Variants in TMPRSS15 observed in about 807,000 individuals in gnomAD.
The protein encoded by TMPRSS15 is enteropeptidase.
A neutral mutation model predicts 125.3 loss-of-function variants in TMPRSS15; 128 were observed. That is an observed-to-expected ratio of 1.02 (90% CI 0.89 to 1.18). The LOEUF (loss-of-function observed/expected upper bound fraction) is 1.18, where lower values mean the gene tolerates loss of function less well. Ranked by LOEUF, TMPRSS15 falls within the 50% of genes most tolerant of loss-of-function variation. The pLI, the probability that TMPRSS15 is intolerant of heterozygous loss-of-function variation, is 0.00. For missense variants in TMPRSS15, 1,283 were observed against 1,212.7 expected (o/e 1.06, Z -0.86); for synonymous variants, 446 against 423.2 (o/e 1.05, Z -0.66).
In TMPRSS15 at chr21:18,297,841, AG is replaced by A. The variant is rs1333320881; in HGVS notation, c.2166-13del. 6.3e-7 allele frequency: 1 copy of A among 1,579,726 alleles called. No homozygotes were observed. On this transcript the variant is annotated splice_polypyrimidine_tract_variant and intron_variant, in intron 18 of 24. Coordinates refer to ENST00000284885, the MANE Select transcript of TMPRSS15 (RefSeq NM_002772.3). ...ATGAGTTTCCACTCCTAGAGAAAAA[AG>A]AAAAAAGCATACAGACAAAACAAAA...
intron 1 of TMPRSS15, among the ~76,000 whole-genome samples, chr21:18,429,461 C>G (rs1030507305): frequency 2.6e-5 from 4 of 152,076 alleles, no homozygotes; most frequent in African/African-American, 4.8e-5. Context: ...TCCCATAATT[C>G]CCATGTGCTG....
intron 14 of TMPRSS15, among the ~76,000 whole-genome samples, chr21:18,330,266 T>TA (rs1312575731): frequency 2.0e-5 from 3 of 152,178 alleles, no homozygotes; most frequent in African/African-American, 7.2e-5. Flanking sequence ...CAAATCACTA[T>TA]AGTTTCTCAT....
At chr21:18,361,220 A>G (rs1390171370) in intron 7 of TMPRSS15, among the ~76,000 whole-genome samples, 1 of 152,156 alleles carries the variant, frequency 6.6e-6, no homozygotes, top group Non-Finnish European at 1.5e-5. Flanking sequence ...ACCTCTATTT[A>G]CAACTCCACT....
chr21:18,467,220 G>C (rs1036034118), intron 1 of TMPRSS15, among the ~76,000 whole-genome samples: 1 of 151,962 alleles, frequency 6.6e-6, no homozygotes, highest in African/African-American at 2.4e-5. Context: ...AAGAACACTT[G>C]GACATGGAGG....
At chr21:18,436,098 AT>A (rs1195021084) in intron 1 of TMPRSS15, among the ~76,000 whole-genome samples, 1 of 149,986 alleles carries the variant, frequency 6.7e-6, no homozygotes, top group Non-Finnish European at 1.5e-5. Context: ...GGATTCATTA[AT>A]TTTTTGAAGG....
intron 1 of TMPRSS15, among the ~76,000 whole-genome samples, chr21:18,459,282 TTTTTC>T (rs1358172891): frequency 2.0e-5 from 3 of 151,746 alleles, no homozygotes; most frequent in Non-Finnish European, 4.4e-5. Flanking sequence ...TTTTTTTTTC[TTTTTC>T]TTTTGAGACA....
In TMPRSS15 at chr21:18,326,511, C is replaced by T; in HGVS notation, c.1842G>A (p.Val614=). 6.2e-7 allele frequency: 1 copy of T among 1,614,142 alleles called. No homozygotes were observed. The highest frequency in any genetic ancestry group is 8.5e-7 in the Non-Finnish European group (1 of 1,179,974). The part of the protein sequence containing the change: ...DVFSTTNRMT[V]LLITNDVLAR... Reference sequence around the variant, plus strand: ...CCAACACATCGTTAGTGATGAGAAGCACAGTCATTCTGTTGGTGGTAGAGA... The same window carrying T: ...CCAACACATCGTTAGTGATGAGAAGTACAGTCATTCTGTTGGTGGTAGAGA... Residue 614 remains valine (V), a synonymous_variant, in exon 16 of 25, where the codon GTG becomes GTA. Coordinates refer to ENST00000284885, the MANE Select transcript of TMPRSS15 (RefSeq NM_002772.3).
At chr21:18,336,325 T>C (rs2075392719) in intron 13 of TMPRSS15, among the ~76,000 whole-genome samples, 2 of 152,200 alleles carry the variant, frequency 1.3e-5, no homozygotes, top group Admixed American at 1.3e-4. Context: ...TAATACCTCC[T>C]ATTGATCGAT....
At chr21:18,419,283 T>C (rs1251385235) in intron 1 of TMPRSS15, among the ~76,000 whole-genome samples, 2 of 143,574 alleles carry the variant, frequency 1.4e-5, no homozygotes, top group Admixed American at 7.6e-5. Context: ...TGGAGTGCAG[T>C]GGTGCTATCT....
At chr21:18,472,578 C>T (rs1371016169) in intron 1 of TMPRSS15, among the ~76,000 whole-genome samples, 3 of 151,462 alleles carry the variant, frequency 2.0e-5, no homozygotes. Flanking sequence ...AATAATTTTA[C>T]AAATCACTAC....
At chr21:18,388,642 C>T (rs985110457) in intron 3 of TMPRSS15, among the ~76,000 whole-genome samples, 3 of 152,118 alleles carry the variant, frequency 2.0e-5, no homozygotes, top group African/African-American at 4.8e-5. Flanking sequence ...AGGTTAAAGC[C>T]TTTTGGAAAT....
intron 1 of TMPRSS15, among the ~76,000 whole-genome samples, chr21:18,471,445 G>A (rs1368372431): frequency 2.7e-5 from 4 of 149,930 alleles, no homozygotes; most frequent in Admixed American, 6.7e-5. Context: ...AATTCCTGGA[G>A]GGATTGCTGT....
chr21:18,478,465 CCCTTTATTACCACCT>C (rs1300688908), intron 1 of TMPRSS15, among the ~76,000 whole-genome samples: 1 of 151,964 alleles, frequency 6.6e-6, no homozygotes, highest in East Asian at 1.9e-4. Flanking sequence ...TCCAGTTTCA[CCCTTTATTACCACCT>C]CACAGTACCC....
intron 6 of TMPRSS15, among the ~76,000 whole-genome samples, chr21:18,369,973 C>CAAAAAAAAAAAAAAAA (rs148057792): frequency 3.7e-5 from 5 of 135,974 alleles, no homozygotes; most frequent in East Asian, 2.1e-4. Flanking sequence ...CTTACTTAAA[C>CAAAAAAAAAAAAAAAA]GAAAAAAAAA....
intron 18 of TMPRSS15, among the ~76,000 whole-genome samples, chr21:18,301,065 T>A (rs1434033835): frequency 1.3e-5 from 2 of 152,248 alleles, no homozygotes; most frequent in African/African-American, 4.8e-5. Flanking sequence ...CGTCTTGGGT[T>A]ATTTAGAGTA....
chr21:18,458,489 T>A (rs575442229), intron 1 of TMPRSS15, among the ~76,000 whole-genome samples: 1 of 152,296 alleles, frequency 6.6e-6, no homozygotes, highest in African/African-American at 2.4e-5. Flanking sequence ...TTGCTGGATA[T>A]CTTTTAATCA....
Position 18,398,269 on chromosome 21 carries a change from G to A in TMPRSS15, c.206C>T (p.Thr69Ile). 1.9e-6 allele frequency: 3 copies of A among 1,613,782 alleles called. No homozygotes were observed. The highest frequency in any genetic ancestry group is 2.5e-6 in the Non-Finnish European group (3 of 1,179,756). Reference sequence around the variant, plus strand: ...TTTGTCTTGCAAATTAGGATTATATGTAACTCCGGATGTTATTTTAAATGT... The same window carrying A: ...TTTGTCTTGCAAATTAGGATTATATATAACTCCGGATGTTATTTTAAATGT... ...RATFKITSGVTYNPNLQDKLS... is the reference protein window; with the variant it reads ...RATFKITSGVIYNPNLQDKLS... Residue 69 changes from threonine (T) to isoleucine (I), a missense_variant, in exon 2 of 25, where the codon ACA (threonine) becomes ATA (isoleucine). Transcript: ENST00000284885.
chr21:18,422,815 T>A (rs183788822), intron 1 of TMPRSS15, among the ~76,000 whole-genome samples: 3 of 152,236 alleles, frequency 2.0e-5, no homozygotes, highest in Non-Finnish European at 1.5e-5. Flanking sequence ...CTTTTCTGTA[T>A]AGCTCTGGGC....
At chr21:18,348,582 G>T (rs184394253) in intron 10 of TMPRSS15, among the ~76,000 whole-genome samples, 2 of 152,196 alleles carry the variant, frequency 1.3e-5, no homozygotes, top group Non-Finnish European at 2.9e-5. Flanking sequence ...ATCAATTTTA[G>T]AAAGTAATAT....
Sources: gnomAD v4.1 joint callset for allele counts (sites outside exome capture counted in the v4.1 genomes callset) on GRCh38, gnomAD v4.1.1 for gene constraint, MANE v1.5 for transcripts, NCBI Gene and HGNC (gene_info 2026-07-23, HGNC 2026-07-21) for gene names.